REDIC1: variants seen among roughly 807,000 people sequenced by gnomAD.
REDIC1 encodes the protein regulator of DNA class I crossover intermediates 1, also known as HEI10 Interacting Protein 1.
chr12:39,658,740 T>G, the REDIC1 span, among the ~76,000 whole-genome samples: 4 of 152,200 alleles, frequency 2.6e-5, no homozygotes, highest in Non-Finnish European at 5.9e-5. Flanking sequence ...TGTTTTATTA[T>G]TGATTGCTTT....
chr12:39,633,275 T>C, the REDIC1 span, among the ~76,000 whole-genome samples: 1 of 152,120 alleles, frequency 6.6e-6, no homozygotes, highest in Non-Finnish European at 1.5e-5. Context: ...ACGTTTTTAT[T>C]AAAAATGAAA....
At chr12:39,895,970 GTATATGTATACATACATTCA>G in the REDIC1 span, among the ~76,000 whole-genome samples, 3 of 134,220 alleles carry the variant, frequency 2.2e-5, 1 homozygote, top group African/African-American at 8.6e-5. Flanking sequence ...ATATACATGT[GTATATGTATACATACATTCA>G]TATATGTGTA....
the REDIC1 span, among the ~76,000 whole-genome samples, chr12:39,663,918 T>G: frequency 6.6e-6 from 1 of 152,024 alleles, no homozygotes; most frequent in Non-Finnish European, 1.5e-5. Flanking sequence ...TCTCTTTCAT[T>G]TTTGAAGGAT....
chr12:39,832,069 C>A, the REDIC1 span, among the ~76,000 whole-genome samples: 1 of 152,110 alleles, frequency 6.6e-6, no homozygotes, highest in Non-Finnish European at 1.5e-5. Flanking sequence ...AATGACACTT[C>A]AGCCCTAGAC....
At chr12:39,737,541 A>C in the REDIC1 span, among the ~76,000 whole-genome samples, 4 of 152,234 alleles carry the variant, frequency 2.6e-5, no homozygotes, top group Admixed American at 2.6e-4. Context: ...TGTAGGAGAC[A>C]CCAAAGTAAC....
chr12:39,892,966 CAG>C, the REDIC1 span, among the ~76,000 whole-genome samples: 1 of 152,156 alleles, frequency 6.6e-6, no homozygotes, highest in African/African-American at 2.4e-5. Flanking sequence ...ACCATATAAT[CAG>C]AAATAAAATT....
At chr12:39,812,347 C>CTTTTCTTTTCTTTTA in the REDIC1 span, among the ~76,000 whole-genome samples, 2 of 101,220 alleles carry the variant, frequency 2.0e-5, 1 homozygote, top group African/African-American at 8.0e-5. Context: ...TTTTTCTTTT[C>CTTTTCTTTTCTTTTA]TTTTCTTTTC....
the REDIC1 span, among the ~76,000 whole-genome samples, chr12:39,852,542 C>T: frequency 2.6e-5 from 4 of 152,170 alleles, no homozygotes; most frequent in Non-Finnish European, 5.9e-5. Flanking sequence ...TAGTACCAAT[C>T]ATTTTTTCTT....
At chr12:39,660,127 C>T in the REDIC1 span, among the ~76,000 whole-genome samples, 3 of 152,080 alleles carry the variant, frequency 2.0e-5, no homozygotes, top group Non-Finnish European at 4.4e-5. Flanking sequence ...TTTTTCTTAC[C>T]TTGGGTGGTT....
chr12:39,802,026 C>A, the REDIC1 span, among the ~76,000 whole-genome samples: 2 of 152,128 alleles, frequency 1.3e-5, no homozygotes, highest in Admixed American at 1.3e-4. Flanking sequence ...CACATAGTGA[C>A]AATTGTCATG....
chr12:39,672,830 CT>C, the REDIC1 span, among the ~76,000 whole-genome samples: 2 of 152,066 alleles, frequency 1.3e-5, no homozygotes, highest in Admixed American at 1.3e-4. Context: ...TTTTTGGGCC[CT>C]GGGGCAGGAT....
At chr12:39,860,094 T>TA in the REDIC1 span, among the ~76,000 whole-genome samples, 5 of 152,116 alleles carry the variant, frequency 3.3e-5, no homozygotes, top group Admixed American at 3.3e-4. Flanking sequence ...CAATAACTCC[T>TA]AAAGAACTGT....
At chr12:39,891,254 A>G in the REDIC1 span, among the ~76,000 whole-genome samples, 1 of 150,832 alleles carries the variant, frequency 6.6e-6, no homozygotes, top group Non-Finnish European at 1.5e-5. Context: ...CCCTGTGACT[A>G]CCATTCTATA....
At chr12:39,666,663 T>C in the REDIC1 span, among the ~76,000 whole-genome samples, 1 of 152,256 alleles carries the variant, frequency 6.6e-6, no homozygotes, top group Non-Finnish European at 1.5e-5. Flanking sequence ...CCTTGTACCT[T>C]TGGTAGAATT....
chr12:39,729,175 C>G, the REDIC1 span, among the ~76,000 whole-genome samples: 1 of 151,998 alleles, frequency 6.6e-6, no homozygotes, highest in Non-Finnish European at 1.5e-5. Context: ...CTGCTCTGAT[C>G]TTAGTTATTT....
chr12:39,903,328 A>G, the REDIC1 span, among the ~76,000 whole-genome samples: 1 of 152,156 alleles, frequency 6.6e-6, no homozygotes, highest in Non-Finnish European at 1.5e-5. Context: ...TATTTCAGGA[A>G]GCATTTTTCC....
At chr12:39,626,229 G>T in the REDIC1 span, 1 of 1,248,858 alleles carries the variant, frequency 8.0e-7, no homozygotes, top group Non-Finnish European at 1.2e-6. Flanking sequence ...CTCGGGCCCT[G>T]ACGTTGTCAG....
At chr12:39,840,960 C>T in the REDIC1 span, among the ~76,000 whole-genome samples, 3 of 152,104 alleles carry the variant, frequency 2.0e-5, no homozygotes, top group East Asian at 5.8e-4. Context: ...CCTCGTTCTC[C>T]ATTTCAGTCC....
chr12:39,750,774 T>C, the REDIC1 span, among the ~76,000 whole-genome samples: 1 of 152,182 alleles, frequency 6.6e-6, no homozygotes, highest in Non-Finnish European at 1.5e-5. Flanking sequence ...TACAACCATC[T>C]GATCTTTGAC....
Sources: gnomAD v4.1 joint callset for allele counts (sites outside exome capture counted in the v4.1 genomes callset) on GRCh38, gnomAD v4.1.1 for gene constraint, MANE v1.5 for transcripts, NCBI Gene and HGNC (gene_info 2026-07-23, HGNC 2026-07-21) for gene names.